GPR139: variants seen among roughly 807,000 people sequenced by gnomAD.
The protein encoded by GPR139 is probable G protein-coupled receptor 139.
In GPR139, 12 loss-of-function variants were observed where a neutral mutation model predicts 25.8. The observed-to-expected ratio is 0.47, with a 90% CI of 0.30 to 0.75. The LOEUF (loss-of-function observed/expected upper bound fraction) is 0.75, where lower values mean the gene tolerates loss of function less well. Ranked by LOEUF, GPR139 falls within the 30% of genes least tolerant of loss-of-function variation. GPR139 has a pLI of 0.07. For missense variants in GPR139, 380 were observed against 450.2 expected (o/e 0.84, Z 1.41); for synonymous variants, 184 against 179.9 (o/e 1.02, Z -0.18).
In GPR139 at chr16:20,073,452, G is replaced by T; in HGVS notation, c.127+38C>A. ...CTGGGTAGGGTTGCCCGGCACTTGG[G>T]GTTCCTGGCTTCCCTCCCTCTCCCC... On this transcript the variant is annotated intron_variant, in intron 1 of 1. Transcript: ENST00000570682. The surrounding 1 kb of genome is among the most constrained non-coding windows in gnomAD (Gnocchi z 4.7). 2 of 1,600,222 alleles carry T rather than the reference G, an allele frequency of 1.2e-6. No individual in the cohort carries two copies. Among genetic ancestry groups the T allele is most frequent in the Non-Finnish European group, 8.5e-7 (1 of 1,173,912 alleles).
chr16:20,033,109 A>G (rs1261045771), intron 1 of GPR139, among the ~76,000 whole-genome samples: 1 of 150,608 alleles, frequency 6.6e-6, no homozygotes, highest in Admixed American at 6.6e-5. Flanking sequence ...GGGCTCTGAG[A>G]GCCTCACACA....
rs1307713496 is a variant in GPR139, at chr16:20,073,651, C to T, written c.-35G>A. ...CCTCGCTCCCCTTGCCGCTTCGCGC[C>T]CGGCCTGCCAGCCCGACTCTGGTCG... On this transcript the variant is annotated 5_prime_UTR_variant, in exon 1 of 2. Transcript: ENST00000570682. This position sits in a 1 kb window ranked among gnomAD's most constrained non-coding sequence, Gnocchi z 4.7. 15 of 1,530,564 alleles carry T rather than the reference C, an allele frequency of 9.8e-6. No individual in the cohort carries two copies. Among genetic ancestry groups the T allele is most frequent in the Non-Finnish European group, 1.3e-5 (15 of 1,137,212 alleles). The allele number at this position is 1,530,564 out of a possible 1,614,324, so 94.8% of individuals were successfully genotyped here.
In GPR139 at chr16:20,065,877, CAAA is replaced by C. The variant is rs11307746; in HGVS notation, c.127+7610_127+7612del. Reference sequence around the variant, plus strand: ...CACGGGTGACACAGTGAGACTATCTCAAAAAAAAAAAAAAAAAAGTTAAATAAG... The same window carrying C: ...CACGGGTGACACAGTGAGACTATCTCAAAAAAAAAAAAAAAGTTAAATAAG... On this transcript the variant is annotated intron_variant, in intron 1 of 1. Transcript: ENST00000570682. 2.3e-3 allele frequency among the ~76,000 whole-genome samples: 270 copies of C among 118,802 alleles called. 1 individual carries two copies. The highest frequency in any genetic ancestry group is 6.4e-3 in the African/African-American group (219 of 34,312). The allele number at this position is 118,802 out of a possible 152,430, so 77.9% of individuals were successfully genotyped here. A position where few individuals can be genotyped will look rare whatever the true frequency, so the allele number is the denominator to read the frequency against.
rs2057381114 is a variant in GPR139 at position 20,054,051 on chromosome 16, G to A, written c.127+19439C>T. 2.0e-5 allele frequency among the ~76,000 whole-genome samples: 3 copies of A among 152,100 alleles called. No homozygotes were observed. The South Asian group carries it at 6.2e-4, about 32-fold the overall frequency. On this transcript the variant is annotated intron_variant, in intron 1 of 1. Coordinates refer to ENST00000570682, the MANE Select transcript of GPR139 (RefSeq NM_001002911.4). ...TGCTCATCCTGACTCTGGGGGCTTTGGGAGGGCAGATGTGTGTCAGTCTTG... is the reference window on the plus strand; with the variant it reads ...TGCTCATCCTGACTCTGGGGGCTTTAGGAGGGCAGATGTGTGTCAGTCTTG...
At chr16:20,060,386 CTA>C (rs2057408438) in intron 1 of GPR139, among the ~76,000 whole-genome samples, 1 of 151,314 alleles carries the variant, frequency 6.6e-6, no homozygotes, top group Non-Finnish European at 1.5e-5. Context: ...TTCTGTGTGT[CTA>C]TATGTGTGTG....
chr16:20,041,242 A>G (rs1323253456), intron 1 of GPR139, among the ~76,000 whole-genome samples: 1 of 5,940 alleles, frequency 1.7e-4, no homozygotes, highest in African/African-American at 6.4e-4. Context: ...AGAGGAGAGG[A>G]GAGGAGAGGG....
chr16:20,068,236 CAA>C (rs10534277), intron 1 of GPR139, among the ~76,000 whole-genome samples: 5,247 of 108,812 alleles, frequency 0.048, 57 homozygotes, highest in East Asian at 0.098. Flanking sequence ...CTATTTAATG[CAA>C]AAAAAAAAAA....
At chr16:20,062,317 A>T (rs1253070870) in intron 1 of GPR139, among the ~76,000 whole-genome samples, 2 of 152,190 alleles carry the variant, frequency 1.3e-5, no homozygotes, top group Non-Finnish European at 2.9e-5. Context: ...ACTTTATAAA[A>T]GGGACTCCAG....
chr16:20,032,736 C>A, intron 1 of GPR139, 67 bp from the exon 2 acceptor site: 1 of 1,188,216 alleles, frequency 8.4e-7, no homozygotes, highest in East Asian at 2.4e-5. Context: ...CTATGGGGGC[C>A]CTAGGCATAT....
chr16:20,042,406 G>A (rs181497681), intron 1 of GPR139, among the ~76,000 whole-genome samples: 20 of 152,226 alleles, frequency 1.3e-4, no homozygotes, highest in African/African-American at 4.1e-4. Context: ...TCTCCCCATG[G>A]CACATTCCAG....
intron 1 of GPR139, among the ~76,000 whole-genome samples, chr16:20,043,056 C>A (rs896234118): frequency 6.6e-6 from 1 of 152,182 alleles, no homozygotes; most frequent in Admixed American, 6.5e-5. Flanking sequence ...CCAATGTAGA[C>A]CAGAACAGTT....
intron 1 of GPR139, among the ~76,000 whole-genome samples, chr16:20,062,119 T>A (rs552670336): frequency 6.6e-6 from 1 of 152,142 alleles, no homozygotes; most frequent in African/African-American, 2.4e-5. Flanking sequence ...AATATACTTT[T>A]AAAAAAGGAC....
Position 20,063,063 on chromosome 16 carries a change from GT to G in GPR139, c.127+10426del, listed in dbSNP as rs2141213770. ...TAACTGAATTGAGTATGTGATTTTA[GT>G]TGTAAATTAATTGAAATGAAATGAA... On this transcript the variant is annotated intron_variant, in intron 1 of 1. Transcript: ENST00000570682. Among the ~76,000 whole-genome samples the G allele has an allele frequency of 1.3e-5, 2 of 152,246 alleles. 1 individual carries two copies. Among genetic ancestry groups the G allele is most frequent in the South Asian group, 4.1e-4 (2 of 4,820 alleles).
chr16:20,049,702 C>G (rs2057365696), intron 1 of GPR139, among the ~76,000 whole-genome samples: 1 of 152,188 alleles, frequency 6.6e-6, no homozygotes, highest in African/African-American at 2.4e-5. Context: ...GGGTTGAATT[C>G]CAGGTTTGCT....
chr16:20,034,325 G>A (rs2057302577), intron 1 of GPR139, among the ~76,000 whole-genome samples: 1 of 152,020 alleles, frequency 6.6e-6, no homozygotes, highest in Non-Finnish European at 1.5e-5. Context: ...GCAAAACCTG[G>A]TGTGCTCATC....
At chr16:20,065,429 G>A (rs990848926) in intron 1 of GPR139, among the ~76,000 whole-genome samples, 2 of 152,120 alleles carry the variant, frequency 1.3e-5, no homozygotes, top group African/African-American at 4.8e-5. Flanking sequence ...ATTGAGGAGC[G>A]TTTGCTGCTG....
At chr16:20,052,437 GC>G (rs2057375513) in intron 1 of GPR139, among the ~76,000 whole-genome samples, 1 of 152,208 alleles carries the variant, frequency 6.6e-6, no homozygotes, top group Admixed American at 6.5e-5. Flanking sequence ...TAGTGATGAT[GC>G]TGCTGCTGCT....
At position 20,044,188 on chromosome 16, in the gene GPR139, G is replaced by A. The variant is rs562152143; in HGVS notation, c.128-11519C>T. ...CTGCTAAGGTGATAAATTGAACCAGGCAAAGGCTCAATGAGAGGGAAGAAG... is the reference window on the plus strand; with the variant it reads ...CTGCTAAGGTGATAAATTGAACCAGACAAAGGCTCAATGAGAGGGAAGAAG... On this transcript the variant is annotated intron_variant, in intron 1 of 1. Coordinates refer to ENST00000570682, the MANE Select transcript of GPR139 (RefSeq NM_001002911.4). 1.3e-4 allele frequency among the ~76,000 whole-genome samples: 20 copies of A among 152,272 alleles called. No homozygotes were observed. In the South Asian group the frequency reaches 3.7e-3, roughly 29 times the overall value.
intron 1 of GPR139, among the ~76,000 whole-genome samples, chr16:20,058,633 G>T (rs2057399914): frequency 6.6e-6 from 1 of 152,110 alleles, no homozygotes; most frequent in Non-Finnish European, 1.5e-5. Context: ...TGGACTTGGG[G>T]TCATTATTCC....
Sources: allele counts gnomAD v4.1 joint callset (sites outside exome capture counted in the v4.1 genomes callset), GRCh38; gene constraint gnomAD v4.1.1; non-coding constraint Gnocchi (gnomAD v3.1); transcripts MANE v1.5; gene names NCBI Gene and HGNC (gene_info 2026-07-23, HGNC 2026-07-21).